PEX6: variants seen among roughly 807,000 people sequenced by gnomAD.
The protein encoded by PEX6 is peroxisome biogenesis factor 6.
PEX6 carries 55 observed loss-of-function variants against 85.6 expected under a neutral mutation model. The ratio of observed to expected loss-of-function variants is 0.64; its 90% CI spans 0.52 to 0.80. The LOEUF is 0.80. Ranked by LOEUF, PEX6 falls within the 30% of genes least tolerant of loss-of-function variation. PEX6 has a pLI of 0.00. For missense variants in PEX6, 1,099 were observed against 1,260.3 expected (o/e 0.87, Z 1.94); for synonymous variants, 519 against 549.1 (o/e 0.95, Z 0.77).
In PEX6 at chr6:42,965,961, G is replaced by A; in HGVS notation, c.2362+83C>T. 1 of 1,484,788 alleles carries A rather than the reference G, an allele frequency of 6.7e-7. No individual in the cohort carries two copies. The highest frequency in any genetic ancestry group is 9.4e-7 in the Non-Finnish European group (1 of 1,064,340). 92.0% of individuals were successfully genotyped at this position (1,484,788 alleles called of 1,614,324 possible). A position where few individuals can be genotyped will look rare whatever the true frequency, so the allele number is the denominator to read the frequency against. On this transcript the variant is annotated intron_variant, in intron 12 of 16. Coordinates refer to ENST00000304611, the MANE Select transcript of PEX6 (RefSeq NM_000287.4). This position sits in a 1 kb window ranked among gnomAD's most constrained non-coding sequence, Gnocchi z 5.0. ...AGAAAGGAGGATTAGGAATGATCAT[G>A]AGTAGCCTGGGAGTAGGGGGTGGCT...
chr6:42,974,146 AC>A, intron 2 of PEX6, 60 bp from the exon 3 acceptor site: 2 of 1,285,508 alleles, frequency 1.6e-6, no homozygotes, highest in Non-Finnish European at 2.3e-6. Flanking sequence ...TGTGTTCATT[AC>A]CACATGTCCA....
In PEX6 at chr6:42,978,557, C is replaced by A. The variant is rs763549728; in HGVS notation, c.594G>T (p.Leu198=). 1.2e-6 allele frequency: 2 copies of A among 1,613,162 alleles called. No homozygotes were observed. The highest frequency in any genetic ancestry group is 2.7e-5 in the African/African-American group (2 of 74,940). ...SGTVRRLQGV[L]GGTGDSLGVS... ...CCCCTAGTGAATCTCCAGTCCCTCC[C>A]AGAACTCCCTGGAGTCGCCGCACTG... The change falls in exon 1 of 17, where the codon CTG becomes CTT. Residue 198 remains leucine, a synonymous_variant. Coordinates refer to ENST00000304611, the MANE Select transcript of PEX6 (RefSeq NM_000287.4).
Position 42,965,242 on chromosome 6 carries a change from AG to A in PEX6, c.2588+9del. ...AATGAGGGTGGAGATGAGCAGTACAAGGGGCCCACCTGCCAGGCCGCAGAAG... is the reference window on the plus strand; with the variant it reads ...AATGAGGGTGGAGATGAGCAGTACAAGGGCCCACCTGCCAGGCCGCAGAAG... On this transcript the variant is annotated intron_variant, in intron 14 of 16. Coordinates refer to ENST00000304611, the MANE Select transcript of PEX6 (RefSeq NM_000287.4). This position sits in a 1 kb window ranked among gnomAD's most constrained non-coding sequence, Gnocchi z 5.0. 4 of 1,611,826 alleles carry A rather than the reference AG, an allele frequency of 2.5e-6. No homozygotes were observed. Among genetic ancestry groups the A allele is most frequent in the South Asian group, 1.1e-5 (1 of 91,036 alleles).
Position 42,965,728 on chromosome 6 carries a change from CA to C in PEX6, c.2423del (p.Leu808TrpfsTer14). On this transcript the variant is annotated frameshift_variant, in exon 13 of 17. Transcript: ENST00000304611. LOFTEE classifies it high-confidence loss of function. This position sits in a 1 kb window ranked among gnomAD's most constrained non-coding sequence, Gnocchi z 5.0. ...CTCCACTTCGCCCCCGGCTTGGGGC[CA>C]AAGAGTCCAGTTCATCAAAGAAGAT... ...CIIFFDELDSLAPSRGRSGDS... is the reference protein window; with the variant it reads ...CIIFFDELDSXAPSRGRSGDS... 1 of 1,614,108 alleles carries C rather than the reference CA, an allele frequency of 6.2e-7. No individual in the cohort carries two copies. The highest frequency in any genetic ancestry group is 8.5e-7 in the Non-Finnish European group (1 of 1,179,994).
Position 42,965,897 on chromosome 6 carries a change from C to T in PEX6, c.2363-108G>A. 7.8e-7 allele frequency: 1 copy of T among 1,284,928 alleles called. No individual in the cohort carries two copies. 79.6% of individuals were successfully genotyped at this position (1,284,928 alleles called of 1,614,324 possible). On this transcript the variant is annotated intron_variant, in intron 12 of 16. Transcript: ENST00000304611. The surrounding 1 kb of genome is among the most constrained non-coding windows in gnomAD (Gnocchi z 5.0). Reference sequence around the variant, plus strand: ...GGGCCTGACAATACAGCACTGGCATCCCAGGTACTAGACCCAGCTGGGCAG... The same window carrying T: ...GGGCCTGACAATACAGCACTGGCATTCCAGGTACTAGACCCAGCTGGGCAG...
intron 3 of PEX6, 144 bp downstream of exon 3, chr6:42,973,859 G>GT: frequency 1.5e-6 from 1 of 684,736 alleles, no homozygotes; most frequent in Non-Finnish European, 2.7e-6. Flanking sequence ...GCAAGAACCT[G>GT]TTACACACAC....
Position 42,964,528 on chromosome 6 carries a change from C to T in PEX6, c.2807-57G>A, listed in dbSNP as rs370335108. ...TATGCCCAGGCAGGGGAGAGCCCTG[C>T]GAAGGTGGCTTCCTGCTCAGGGTCT... On this transcript the variant is annotated intron_variant, in intron 16 of 16. Transcript: ENST00000304611. The surrounding 1 kb of genome is among the most constrained non-coding windows in gnomAD (Gnocchi z 4.6). The T allele has an allele frequency of 1.7e-5, 28 of 1,602,120 alleles. No homozygotes were observed. Among genetic ancestry groups the T allele is most frequent in the African/African-American group, 6.7e-5 (5 of 74,668 alleles).
rs1769757442 is a variant in PEX6 at position 42,965,626 on chromosome 6, C to T, written c.2471+55G>A. On this transcript the variant is annotated intron_variant, in intron 13 of 16. Coordinates refer to ENST00000304611, the MANE Select transcript of PEX6 (RefSeq NM_000287.4). This position sits in a 1 kb window ranked among gnomAD's most constrained non-coding sequence, Gnocchi z 5.0. ...GACTCTGAAGACTGCTGTGAGCTTT[C>T]TCATATCCTTCCCACCCTGGACCCC... 1 of 1,254,948 alleles carries T rather than the reference C, an allele frequency of 8.0e-7. No homozygotes were observed. Among genetic ancestry groups the T allele is most frequent in the Non-Finnish European group, 1.2e-6 (1 of 852,192 alleles). 77.7% of individuals were successfully genotyped at this position (1,254,948 alleles called of 1,614,324 possible).
chr6:42,968,825 G>T, intron 6 of PEX6, 49 bp downstream of exon 6: 1 of 1,330,032 alleles, frequency 7.5e-7, no homozygotes, highest in Non-Finnish European at 1.1e-6. Flanking sequence ...GGGAGAACAT[G>T]AGCTGGGGAG....
At position 42,977,768 on chromosome 6, in the gene PEX6, CAAAAAAAAA is replaced by C. The variant is rs200706906; in HGVS notation, c.882+492_882+500del. Among the ~76,000 whole-genome samples, 8 of 51,718 alleles carry C rather than the reference CAAAAAAAAA, an allele frequency of 1.5e-4. No homozygotes were observed. The South Asian group carries it at 3.0e-3, about 19-fold the overall frequency. The allele number at this position is 51,718 out of a possible 152,430, so 33.9% of individuals were successfully genotyped here. ...TGGGTGACAGAGCAAGACCCCATCT[CAAAAAAAAA>C]AAAAAAAAAAAAAAAAGGAAAGAAA... On this transcript the variant is annotated intron_variant, in intron 1 of 16. Transcript: ENST00000304611.
At chr6:42,977,843 T>G (rs1217247628) in intron 1 of PEX6, among the ~76,000 whole-genome samples, 1 of 62,840 alleles carries the variant, frequency 1.6e-5, no homozygotes, top group African/African-American at 1.3e-4. Flanking sequence ...AACATTATGC[T>G]TTTTTTTTTT....
chr6:42,978,608 C>T lies in PEX6; in HGVS notation c.543G>A (p.Val181=), dbSNP rs368560418. ...TGCCAGAAACCGCAAAGGAGGACAC[C>T]ACGGGCGGGGGTGGGGGCCGACTGC... is the stretch of plus-strand genomic sequence containing the variant. ...GDSSRPPPPP[V]VSSFAVSGTV... is the part of the protein sequence containing the mutation. Residue 181 remains valine (V), a synonymous_variant, in exon 1 of 17, where the codon GTG becomes GTA. Coordinates refer to ENST00000304611, the MANE Select transcript of PEX6 (RefSeq NM_000287.4). 2.0e-5 allele frequency: 32 copies of T among 1,605,812 alleles called. No individual in the cohort carries two copies. In the African/African-American group the frequency reaches 3.2e-4, roughly 16 times the overall value.
At chr6:42,973,500 C>A (rs939366665) in intron 3 of PEX6, among the ~76,000 whole-genome samples, 1 of 152,130 alleles carries the variant, frequency 6.6e-6, no homozygotes, top group Admixed American at 6.6e-5. Context: ...GGTTCTTAAC[C>A]TTTCTTCAGT....
chr6:42,970,759 T>C (rs1770032964), intron 3 of PEX6, among the ~76,000 whole-genome samples: 1 of 152,162 alleles, frequency 6.6e-6, no homozygotes, highest in Non-Finnish European at 1.5e-5. Flanking sequence ...CCTTCCTTTG[T>C]GAAGGAAAAA....
intron 12 of PEX6, 34 bp downstream of exon 12, chr6:42,966,010 G>A: frequency 1.2e-6 from 2 of 1,609,388 alleles, no homozygotes; most frequent in Non-Finnish European, 1.7e-6. Flanking sequence ...GGTTTGGGAA[G>A]CATGGGACGC....
intron 5 of PEX6, 151 bp downstream of exon 5, chr6:42,969,517 C>T: frequency 1.1e-6 from 1 of 902,216 alleles, no homozygotes; most frequent in Non-Finnish European, 1.8e-6. Flanking sequence ...AAGGAGTGGC[C>T]TGGTGGCCTT....
chr6:42,968,787 GGAGGGAGGGGAGAGGAAGCAGCAGA>G, intron 6 of PEX6, 62 bp downstream of exon 6: 2 of 999,284 alleles, frequency 2.0e-6, no homozygotes, highest in Non-Finnish European at 3.2e-6. Context: ...AGTAGACAGA[GGAGGGAGGGGAGAGGAAGCAGCAGA>G]GAGGGAGAAC....
intron 8 of PEX6, among the ~76,000 whole-genome samples, chr6:42,967,160 G>C (rs1429931434): frequency 6.6e-6 from 1 of 151,942 alleles, no homozygotes; most frequent in African/African-American, 2.4e-5. Context: ...GTAGAGACGG[G>C]GTTTCTCCAT....
Position 42,964,243 on chromosome 6 carries a change from C to T in PEX6, c.*92G>A. 6 of 1,523,752 alleles carry T rather than the reference C, an allele frequency of 3.9e-6. No individual in the cohort carries two copies. The highest frequency in any genetic ancestry group is 2.7e-6 in the Non-Finnish European group (3 of 1,104,112). 94.4% of individuals were successfully genotyped at this position (1,523,752 alleles called of 1,614,324 possible). A position where few individuals can be genotyped will look rare whatever the true frequency, so the allele number is the denominator to read the frequency against. On this transcript the variant is annotated 3_prime_UTR_variant, in exon 17 of 17. Transcript: ENST00000304611. The surrounding 1 kb of genome is among the most constrained non-coding windows in gnomAD (Gnocchi z 4.6). ...TGGCCTCCAGGTGGGTTGGCAGCAG[C>T]CTGAGGAGGAGCCCTTCCTTCCCAG...
Sources: allele counts gnomAD v4.1 joint callset (sites outside exome capture counted in the v4.1 genomes callset), GRCh38; gene constraint gnomAD v4.1.1; non-coding constraint Gnocchi (gnomAD v3.1); transcripts MANE v1.5; gene names NCBI Gene and HGNC (gene_info 2026-07-23, HGNC 2026-07-21).